Variants in DAP3 observed in about 807,000 individuals in gnomAD.
The protein encoded by DAP3 is death associated protein 3, also known as small ribosomal subunit protein mS29.
DAP3 carries 28 observed loss-of-function variants against 51.9 expected under a neutral mutation model. That is an observed-to-expected ratio of 0.54 (90% CI 0.40 to 0.74). The LOEUF is 0.74. DAP3 is among the 30% of genes least tolerant of loss of function. The pLI is 0.00. For missense variants in DAP3, 458 were observed against 483.5 expected (o/e 0.95, Z 0.49); for synonymous variants, 170 against 170.3 (o/e 1.00, Z 0.01).
intron 1 of DAP3, among the ~76,000 whole-genome samples, chr1:155,691,979 C>T (rs868742661): frequency 7.1e-6 from 1 of 141,554 alleles, no homozygotes; most frequent in Non-Finnish European, 1.5e-5. Flanking sequence ...GTTCTGATCT[C>T]CACACTGTTT....
chr1:155,726,070 A>C, intron 6 of DAP3, 51 bp downstream of exon 6: 1 of 1,439,114 alleles, frequency 6.9e-7, no homozygotes, highest in Non-Finnish European at 9.7e-7. Flanking sequence ...TTATCCTGTT[A>C]CTGTGGTAGC....
intron 1 of DAP3, among the ~76,000 whole-genome samples, chr1:155,701,819 G>T (rs1197688362): frequency 1.3e-5 from 2 of 151,592 alleles, no homozygotes; most frequent in African/African-American, 4.9e-5. Flanking sequence ...CAACCACACT[G>T]GATCCTTGTG....
At chr1:155,723,962 C>G (rs1658277638) in intron 4 of DAP3, among the ~76,000 whole-genome samples, 1 of 151,802 alleles carries the variant, frequency 6.6e-6, no homozygotes, top group South Asian at 2.1e-4. Context: ...TCGCTTGAAC[C>G]CGGGAGGCGG....
Position 155,715,189 on chromosome 1 carries a change from C to G in DAP3, c.46-1817C>G, listed in dbSNP as rs1657181649. Among the ~76,000 whole-genome samples the G allele has an allele frequency of 3.6e-5, 5 of 138,346 alleles. No homozygotes were observed. In the South Asian group the frequency reaches 1.1e-3, roughly 31 times the overall value. The allele number at this position is 138,346 out of a possible 152,430, so 90.8% of individuals were successfully genotyped here. On this transcript the variant is annotated intron_variant, in intron 2 of 12. Coordinates refer to ENST00000368336, the MANE Select transcript of DAP3 (RefSeq NM_004632.4). The stretch of plus-strand genomic sequence containing the variant: ...CTGCACCCCAGCCTGGGCAACAGAG[C>G]AAGACTCCATCTCAAAAAAAAAAAA...
chr1:155,709,777 A>G lies in DAP3; in HGVS notation c.-3A>G. On this transcript the variant is annotated 5_prime_UTR_variant, in exon 2 of 13. Coordinates refer to ENST00000368336, the MANE Select transcript of DAP3 (RefSeq NM_004632.4). Reference sequence around the variant, plus strand: ...CTTTTTTTTTTTTTGTAACAGTGCAAGGATGATGCTGAAAGGAATAACAAG... The same window carrying G: ...CTTTTTTTTTTTTTGTAACAGTGCAGGGATGATGCTGAAAGGAATAACAAG... 6.2e-7 allele frequency: 1 copy of G among 1,612,240 alleles called. No individual in the cohort carries two copies. Among genetic ancestry groups the G allele is most frequent in the Non-Finnish European group, 8.5e-7 (1 of 1,179,652 alleles).
At chr1:155,711,832 G>A (rs567166777) in intron 2 of DAP3, among the ~76,000 whole-genome samples, 69 of 151,332 alleles carry the variant, frequency 4.6e-4, no homozygotes, top group Middle Eastern at 6.8e-3. Flanking sequence ...AGGCCTGAGA[G>A]CCCCTGGCAA....
At chr1:155,732,430 C>T (rs970499187) in intron 11 of DAP3, among the ~76,000 whole-genome samples, 5 of 151,972 alleles carry the variant, frequency 3.3e-5, no homozygotes, top group African/African-American at 1.2e-4. Flanking sequence ...GAGGTTTCAC[C>T]ATGTTGGCCA....
At chr1:155,694,272 G>T (rs1654235557) in intron 1 of DAP3, among the ~76,000 whole-genome samples, 1 of 141,358 alleles carries the variant, frequency 7.1e-6, no homozygotes, top group Non-Finnish European at 1.5e-5. Flanking sequence ...TCCTCCTCTG[G>T]GTGAGAGGGC....
At chr1:155,689,198 T>C in intron 1 of DAP3, 24 bp downstream of exon 1, 1 of 709,166 alleles carries the variant, frequency 1.4e-6, no homozygotes, top group Non-Finnish European at 2.5e-6. Flanking sequence ...CCGACACGGG[T>C]ATTGTACCGC....
intron 10 of DAP3, 111 bp downstream of exon 10, chr1:155,731,526 A>C: frequency 9.4e-7 from 1 of 1,064,548 alleles, no homozygotes; most frequent in Non-Finnish European, 1.4e-6. Context: ...ATGGACAGTA[A>C]GTTATTATGT....
intron 2 of DAP3, among the ~76,000 whole-genome samples, chr1:155,714,644 A>G (rs1347084724): frequency 6.6e-6 from 1 of 152,106 alleles, no homozygotes; most frequent in East Asian, 1.9e-4. Context: ...GGGCGCCTGT[A>G]ATCCCAGCTA....
chr1:155,702,048 C>T (rs536377639), intron 1 of DAP3, among the ~76,000 whole-genome samples: 1 of 150,046 alleles, frequency 6.7e-6, no homozygotes, highest in South Asian at 2.1e-4. Context: ...ACAAGTTGAC[C>T]CTAACTCTTA....
At chr1:155,723,306 G>C (rs1344235451) in intron 4 of DAP3, among the ~76,000 whole-genome samples, 3 of 152,100 alleles carry the variant, frequency 2.0e-5, no homozygotes, top group South Asian at 2.1e-4. Context: ...GGGATTACAG[G>C]TGTGAGCCAC....
chr1:155,700,583 C>G (rs1450184609), intron 1 of DAP3, among the ~76,000 whole-genome samples: 3 of 149,418 alleles, frequency 2.0e-5, no homozygotes, highest in Non-Finnish European at 4.5e-5. Flanking sequence ...GTCAGCCCCC[C>G]GCCCGGCCAG....
rs182960548 is a variant in DAP3 at position 155,731,508 on chromosome 1, C to G, written c.903+93C>G. The G allele has an allele frequency of 3.4e-5, 44 of 1,278,750 alleles. No homozygotes were observed. In the African/African-American group the frequency reaches 6.2e-4, roughly 18 times the overall value. The allele number at this position is 1,278,750 out of a possible 1,614,324, so 79.2% of individuals were successfully genotyped here. A position where few individuals can be genotyped will look rare whatever the true frequency, so the allele number is the denominator to read the frequency against. On this transcript the variant is annotated intron_variant, in intron 10 of 12. Transcript: ENST00000368336. The stretch of plus-strand genomic sequence containing the variant: ...TTTCATTGCTAATACTTTACAGTCT[C>G]TAATTTTATGGACAGTAAGTTATTA...
chr1:155,688,714 T>TC (rs1244480986), upstream of DAP3: 6 of 1,325,640 alleles, frequency 4.5e-6, no homozygotes, highest in Non-Finnish European at 5.1e-6. Flanking sequence ...TCCCCCTCCC[T>TC]CCCCGCCCGC....
upstream of DAP3, chr1:155,688,771 C>T (rs1172588278): frequency 3.3e-6 from 5 of 1,534,404 alleles, no homozygotes; most frequent in Admixed American, 2.0e-5. Flanking sequence ...CACCCCCACC[C>T]TACACTCCTC....
At chr1:155,695,075 T>C (rs35762326) in intron 1 of DAP3, among the ~76,000 whole-genome samples, 2 of 152,222 alleles carry the variant, frequency 1.3e-5, no homozygotes, top group Non-Finnish European at 2.9e-5. Flanking sequence ...CAATGCTCTG[T>C]TGTTTTAAAA....
chr1:155,725,908 T>G lies in DAP3; in HGVS notation c.380-19T>G. 2.5e-6 allele frequency: 4 copies of G among 1,608,036 alleles called. No homozygotes were observed. Among genetic ancestry groups the G allele is most frequent in the Non-Finnish European group, 3.4e-6 (4 of 1,175,094 alleles). On this transcript the variant is annotated intron_variant, in intron 5 of 12. Coordinates refer to ENST00000368336, the MANE Select transcript of DAP3 (RefSeq NM_004632.4). ...AGTGATCCTTCCAGTCATGTTTTCT[T>G]TAACAACATATACTTTAGATGGAGA...
Sources: allele counts gnomAD v4.1 joint callset (sites outside exome capture counted in the v4.1 genomes callset), GRCh38; gene constraint gnomAD v4.1.1; transcripts MANE v1.5; gene names NCBI Gene and HGNC (gene_info 2026-07-23, HGNC 2026-07-21).